DLG2: variants seen among roughly 807,000 people sequenced by gnomAD.
DLG2 encodes the protein discs large MAGUK scaffold protein 2.
DLG2 carries 45 observed loss-of-function variants against 132.5 expected under a neutral mutation model. The ratio of observed to expected loss-of-function variants is 0.34; its 90% confidence interval spans 0.27 to 0.44. The LOEUF (loss-of-function observed/expected upper bound fraction) is 0.44, where lower values mean the gene tolerates loss of function less well. DLG2 is among the 20% of genes least tolerant of loss of function. DLG2 has a pLI of 1.00. For synonymous variants in DLG2, 424 were observed against 419.6 expected, an observed-to-expected ratio of 1.01 and a Z score of -0.13; for missense variants, 1,045 against 1,196.9, an observed-to-expected ratio of 0.87 and a Z score of 1.87.
intron 6 of DLG2, among the ~76,000 whole-genome samples, chr11:84,557,486 T>C (rs906104433): frequency 6.6e-6 from 1 of 152,180 alleles, no homozygotes; most frequent in Admixed American, 6.5e-5. Flanking sequence ...GATACAGTAT[T>C]CCTTAAAAAT....
chr11:84,203,302 G>A (rs112022963), intron 8 of DLG2, among the ~76,000 whole-genome samples: 5,802 of 152,104 alleles, frequency 0.038, 368 homozygotes, highest in African/African-American at 0.13. Context: ...AATGCGATCC[G>A]CCAGGTGTGG....
At chr11:83,810,086 G>T (rs181708565) in intron 17 of DLG2, among the ~76,000 whole-genome samples, 28 of 152,192 alleles carry the variant, frequency 1.8e-4, no homozygotes, top group Non-Finnish European at 3.2e-4. Flanking sequence ...GTGTGTGAAG[G>T]TATCTGTTGT....
chr11:84,194,826 T>C (rs1277513512), intron 8 of DLG2, among the ~76,000 whole-genome samples: 1 of 152,140 alleles, frequency 6.6e-6, no homozygotes, highest in Non-Finnish European at 1.5e-5. Context: ...CCTCAGCCCT[T>C]GGGCAGTTGA....
At chr11:85,434,036 A>G (rs926103212) in intron 3 of DLG2, among the ~76,000 whole-genome samples, 12 of 152,218 alleles carry the variant, frequency 7.9e-5, no homozygotes, top group Non-Finnish European at 1.5e-4. Flanking sequence ...AAACCAAACA[A>G]TTACATGGAA....
intron 19 of DLG2, among the ~76,000 whole-genome samples, chr11:83,564,854 T>TC (rs1192460661): frequency 6.6e-6 from 1 of 151,816 alleles, no homozygotes; most frequent in Non-Finnish European, 1.5e-5. Flanking sequence ...AAGAATTTCT[T>TC]TTTTTTTCTG....
At chr11:84,181,168 T>C (rs1457155471) in intron 8 of DLG2, among the ~76,000 whole-genome samples, 1 of 151,784 alleles carries the variant, frequency 6.6e-6, no homozygotes, top group Non-Finnish European at 1.5e-5. Flanking sequence ...CTTATAATCA[T>C]GTATGATTAT....
rs763974762 is a variant in DLG2, at chr11:84,280,226, T to C, written c.520-28935A>G. Among the ~76,000 whole-genome samples the C allele has an allele frequency of 5.9e-5, 9 of 151,976 alleles. No individual in the cohort carries two copies. The South Asian group carries it at 1.4e-3, about 24-fold the overall frequency. ...CAATTGTGTCTCTATATACTAGCAA[T>C]AAATTCATAGAAATTAAAATAAAAA... is the stretch of plus-strand genomic sequence containing the variant. On this transcript the variant is annotated intron_variant, in intron 7 of 27. Transcript: ENST00000376104.
chr11:85,113,628 A>G (rs1317450060), intron 5 of DLG2, among the ~76,000 whole-genome samples: 1 of 152,032 alleles, frequency 6.6e-6, no homozygotes, highest in African/African-American at 2.4e-5. Flanking sequence ...ATTGAAACAG[A>G]AGTTAGAACC....
intron 3 of DLG2, among the ~76,000 whole-genome samples, chr11:85,300,236 G>A (rs984675051): frequency 1.3e-5 from 2 of 152,124 alleles, no homozygotes; most frequent in African/African-American, 4.8e-5. Flanking sequence ...ATAAATGGGA[G>A]CAACAAAACA....
intron 15 of DLG2, among the ~76,000 whole-genome samples, chr11:83,913,976 T>C (rs1037014586): frequency 6.6e-6 from 1 of 152,094 alleles, no homozygotes; most frequent in Non-Finnish European, 1.5e-5. Context: ...AGATGAGCAG[T>C]GATTCTAGTT....
At chr11:84,304,733 A>T (rs941533415) in intron 7 of DLG2, among the ~76,000 whole-genome samples, 16 of 152,212 alleles carry the variant, frequency 1.1e-4, no homozygotes, top group African/African-American at 3.9e-4. Context: ...TATTCTTTTG[A>T]TTTTCTTCAA....
At chr11:85,246,014 C>T (rs1308921759) in intron 4 of DLG2, among the ~76,000 whole-genome samples, 1 of 151,992 alleles carries the variant, frequency 6.6e-6, no homozygotes, top group Non-Finnish European at 1.5e-5. Context: ...CTCACTCCCA[C>T]TCCAATCCTG....
At chr11:84,889,060 A>G (rs951318198) in intron 6 of DLG2, among the ~76,000 whole-genome samples, 1 of 152,114 alleles carries the variant, frequency 6.6e-6, no homozygotes, top group African/African-American at 2.4e-5. Flanking sequence ...AATAATCTCA[A>G]TTCAAATCCA....
rs897568993 is a variant in DLG2, at chr11:83,686,500, C to T, written c.1826-53175G>A. On this transcript the variant is annotated intron_variant, in intron 18 of 27. Coordinates refer to ENST00000376104, the MANE Select transcript of DLG2 (RefSeq NM_001142699.3). The stretch of plus-strand genomic sequence containing the variant: ...AATGTAAGCTCCATGAGGCCAGGGT[C>T]GTTGTCTTTTTTGTCCTTGGTTGAA... 3.3e-5 allele frequency among the ~76,000 whole-genome samples: 5 copies of T among 152,052 alleles called. No homozygotes were observed. The East Asian group carries it at 7.7e-4, about 23-fold the overall frequency.
At chr11:83,855,427 T>A (rs2060378163) in intron 16 of DLG2, among the ~76,000 whole-genome samples, 1 of 152,318 alleles carries the variant, frequency 6.6e-6, no homozygotes, top group Admixed American at 6.5e-5. Context: ...AATCAAGATG[T>A]CCTTCAGTAG....
chr11:83,954,508 T>C (rs1225409498), intron 14 of DLG2, among the ~76,000 whole-genome samples: 5 of 152,210 alleles, frequency 3.3e-5, no homozygotes, highest in African/African-American at 7.2e-5. Context: ...ACATACATTA[T>C]AGTACCAGTC....
intron 4 of DLG2, among the ~76,000 whole-genome samples, chr11:85,264,244 C>A (rs934271500): frequency 6.6e-6 from 1 of 152,198 alleles, no homozygotes; most frequent in Non-Finnish European, 1.5e-5. Context: ...CCTATATCCT[C>A]CACCTTTCTG....
At chr11:84,438,772 A>G (rs1454296484) in intron 7 of DLG2, among the ~76,000 whole-genome samples, 1 of 152,202 alleles carries the variant, frequency 6.6e-6, no homozygotes, top group Non-Finnish European at 1.5e-5. Flanking sequence ...ACTGCTCATG[A>G]TGGCAAGGAA....
chr11:84,209,358 G>A (rs943157230), intron 8 of DLG2, among the ~76,000 whole-genome samples: 1 of 152,170 alleles, frequency 6.6e-6, no homozygotes, highest in Non-Finnish European at 1.5e-5. Flanking sequence ...AGGACTTAGA[G>A]TAACATGACA....
Sources: allele counts gnomAD v4.1 joint callset (sites outside exome capture counted in the v4.1 genomes callset), GRCh38; gene constraint gnomAD v4.1.1; transcripts MANE v1.5; gene names NCBI Gene and HGNC (gene_info 2026-07-23, HGNC 2026-07-21).